The following SYNPO2L variants were observed in gnomAD, a reference collection of about 807,000 sequenced individuals.
SYNPO2L encodes the protein synaptopodin 2 like.
In SYNPO2L, 34 loss-of-function variants were observed where a neutral mutation model predicts 47.5. The ratio of observed to expected loss-of-function variants is 0.72; its 90% CI spans 0.54 to 0.95. The LOEUF is 0.95. Among genes scored for constraint, SYNPO2L ranks in the 40% least tolerant of loss-of-function variants. The pLI is 0.00. For missense variants in SYNPO2L, 1,246 were observed against 1,282.0 expected, an observed-to-expected ratio of 0.97 and a Z score of 0.43; for synonymous variants, 536 against 524.9, an observed-to-expected ratio of 1.02 and a Z score of -0.29.
chr10:73,650,294 G>A (rs12247028), intron 3 of SYNPO2L: 554,595 of 942,724 alleles, frequency 0.59, 174,773 homozygotes, highest in Middle Eastern at 0.65. Context: ...GAAAGTAGAT[G>A]GAACTTTTTC....
chr10:73,648,041 G>A lies in SYNPO2L; in HGVS notation c.1611C>T (p.Thr537=). The A allele has an allele frequency of 6.3e-7, 1 of 1,592,308 alleles. No homozygotes were observed. Among genetic ancestry groups the A allele is most frequent in the Non-Finnish European group, 8.6e-7 (1 of 1,169,484 alleles). ...CTGTCACAGGGCCCGAGGAGCGTGGGGTGCTGGGGGAACCAGAGACTGGCG... is the reference window on the plus strand; with the variant it reads ...CTGTCACAGGGCCCGAGGAGCGTGGAGTGCTGGGGGAACCAGAGACTGGCG... The part of the protein sequence containing the change: ...SHAPVSGSPS[T]PRSSGPVTAT... The change falls in exon 4 of 4, where the codon ACC becomes ACT. Residue 537 remains threonine, a synonymous_variant. Coordinates refer to ENST00000394810, the MANE Select transcript of SYNPO2L (RefSeq NM_001114133.3).
chr10:73,654,285 G>C lies in SYNPO2L; in HGVS notation c.106-5C>G. On this transcript the variant is annotated splice_region_variant and splice_polypyrimidine_tract_variant and intron_variant, in intron 1 of 3. Coordinates refer to ENST00000394810, the MANE Select transcript of SYNPO2L (RefSeq NM_001114133.3). ...AGCCTGGCTCCGTCTTCGAATCTGA[G>C]ATGTTGAAGGAGACACTGTAGGTAA... 1 of 1,551,480 alleles carries C rather than the reference G, an allele frequency of 6.4e-7. No homozygotes were observed.
In SYNPO2L at chr10:73,655,881, TCC is replaced by T; in HGVS notation, c.40_41del (p.Gly14SerfsTer21). 1 of 1,550,636 alleles carries T rather than the reference TCC, an allele frequency of 6.4e-7. No individual in the cohort carries two copies. The highest frequency in any genetic ancestry group is 8.7e-7 in the Non-Finnish European group (1 of 1,146,760). On this transcript the variant is annotated frameshift_variant, in exon 1 of 4. Transcript: ENST00000394810. LOFTEE classifies it high-confidence loss of function. The part of the protein sequence containing the change: ...EEEVLVTLSG[G>X]APWGFRLHGG... ...CATGAAGTCGGAAGCCCCAGGGGGCTCCCCCTGATAGTGTGACCAGCACCTCC... is the reference window on the plus strand; with the variant it reads ...CATGAAGTCGGAAGCCCCAGGGGGCTCCCTGATAGTGTGACCAGCACCTCC...
At chr10:73,654,102 G>C in intron 2 of SYNPO2L, 27 bp downstream of exon 2, 2 of 1,545,350 alleles carry the variant, frequency 1.3e-6, no homozygotes, top group Non-Finnish European at 1.8e-6. Flanking sequence ...CTGGATTAGG[G>C]GAAGAGAAGA....
At position 73,654,005 on chromosome 10, in the gene SYNPO2L, A is replaced by G. The variant is rs987086103; in HGVS notation, c.257+124T>C. 7.8e-6 allele frequency: 10 copies of G among 1,288,282 alleles called. No homozygotes were observed. In the African/African-American group the frequency reaches 1.5e-4, roughly 19 times the overall value. 79.8% of individuals were successfully genotyped at this position (1,288,282 alleles called of 1,614,324 possible). On this transcript the variant is annotated intron_variant, in intron 2 of 3. Coordinates refer to ENST00000394810, the MANE Select transcript of SYNPO2L (RefSeq NM_001114133.3). ...GGCAGACACAAACCATCTGCACTCC[A>G]GCAGAAACGCACGAGCAGAAATAGG...
rs2081734413 is a variant in SYNPO2L at position 73,645,249 on chromosome 10, A to G, written c.*1469T>C. On this transcript the variant is annotated 3_prime_UTR_variant, in exon 4 of 4. Transcript: ENST00000394810. ...ACCCTCACACCTCCCTTCCACCATC[A>G]TTCCCTTCCATTCTAACATTCTTCT... is the stretch of plus-strand genomic sequence containing the variant. 1 of 1,099,106 alleles carries G rather than the reference A, an allele frequency of 9.1e-7. No homozygotes were observed. The allele number at this position is 1,099,106 out of a possible 1,614,324, so 68.1% of individuals were successfully genotyped here. A position where few individuals can be genotyped will look rare whatever the true frequency, so the allele number is the denominator to read the frequency against.
In SYNPO2L at chr10:73,647,496, G is replaced by C. The variant is rs533607226; in HGVS notation, c.2156C>G (p.Pro719Arg). ...AGGAGCCACTGGGGGTGGAGTCTTA[G>C]GAGTCATAGGGGGCGGGGTCTTGGG... Reference protein sequence around the residue: ...MAPKTPPPMTPKTPPPVAPKP... With the variant: ...MAPKTPPPMTRKTPPPVAPKP... Residue 719 changes from proline (P) to arginine (R), a missense_variant, in exon 4 of 4, where the codon CCT becomes CGT. Pro to Arg is a moderately radical substitution (Grantham distance 103, BLOSUM62 -2). Around this residue, in one of 3 missense-constraint regions of SYNPO2L, gnomAD observed 1,037 missense variants for 1,021.5 expected, o/e 1.02. Transcript: ENST00000394810. The C allele has an allele frequency of 3.1e-6, 5 of 1,588,046 alleles. No homozygotes were observed. The South Asian group carries it at 5.7e-5, about 18-fold the overall frequency.
At position 73,654,204 on chromosome 10, in the gene SYNPO2L, C is replaced by A; in HGVS notation, c.182G>T (p.Cys61Phe). The A allele has an allele frequency of 1.3e-6, 2 of 1,551,600 alleles. No individual in the cohort carries two copies. Among genetic ancestry groups the A allele is most frequent in the Non-Finnish European group, 1.7e-6 (2 of 1,146,976 alleles). ...DQLLAINGVS[C>F]TNLSHASAMS... is the part of the protein sequence containing the mutation. ...GGCACTGGCATGGGAGAGGTTGGTG[C>A]AAGAGACCCCATTGATTGCCAAGAG... The change falls in exon 2 of 4, where the codon TGC becomes TTC. Residue 61 changes from cysteine to phenylalanine, a missense_variant. By Grantham distance (205) the Cys-to-Phe change is radical (BLOSUM62 -2). Coordinates refer to ENST00000394810, the MANE Select transcript of SYNPO2L (RefSeq NM_001114133.3).
In SYNPO2L at chr10:73,647,198, AGAGAGCAGTGGGTT is replaced by A. The variant is rs201114884; in HGVS notation, c.2440_2453del (p.Asn814SerfsTer12). 1 of 1,613,618 alleles carries A rather than the reference AGAGAGCAGTGGGTT, an allele frequency of 6.2e-7. No individual in the cohort carries two copies. The highest frequency in any genetic ancestry group is 2.2e-5 in the East Asian group (1 of 44,848). ...TTCGGGCCGCCTGGGGGAAAAAGGG[AGAGAGCAGTGGGTT>A]GTAAGCAATAGGAGGCGGGGCACGG... On this transcript the variant is annotated frameshift_variant, in exon 4 of 4. Coordinates refer to ENST00000394810, the MANE Select transcript of SYNPO2L (RefSeq NM_001114133.3). LOFTEE classifies it high-confidence loss of function.
Position 73,655,880 on chromosome 10 carries a change from C to G in SYNPO2L, c.43G>C (p.Ala15Pro), listed in dbSNP as rs1266131141. Reference sequence around the variant, plus strand: ...CCATGAAGTCGGAAGCCCCAGGGGGCTCCCCCTGATAGTGTGACCAGCACC... The same window carrying G: ...CCATGAAGTCGGAAGCCCCAGGGGGGTCCCCCTGATAGTGTGACCAGCACC... Reference protein sequence around the residue: ...EEVLVTLSGGAPWGFRLHGGA... With the variant: ...EEVLVTLSGGPPWGFRLHGGA... Residue 15 changes from alanine (A) to proline (P), a missense_variant, in exon 1 of 4, where the codon GCC (alanine) becomes CCC (proline). Around this residue, in one of 3 missense-constraint regions of SYNPO2L, gnomAD observed 61 missense variants for 55.6 expected, o/e 1.10. Coordinates refer to ENST00000394810, the MANE Select transcript of SYNPO2L (RefSeq NM_001114133.3). The G allele has an allele frequency of 1.9e-6, 3 of 1,551,382 alleles. 1 individual carries two copies. Among genetic ancestry groups the G allele is most frequent in the South Asian group, 2.4e-5 (2 of 84,038 alleles).
At position 73,655,855 on chromosome 10, in the gene SYNPO2L, C is replaced by T; in HGVS notation, c.68G>A (p.Gly23Glu). Residue 23 changes from glycine to glutamate, a missense_variant, in exon 1 of 4, where the codon GGG becomes GAG. Gly to Glu is a moderately conservative substitution (Grantham distance 98). Coordinates refer to ENST00000394810, the MANE Select transcript of SYNPO2L (RefSeq NM_001114133.3). ...TAACGGTTTCCTCTGCTCGGCCCCC[C>T]CATGAAGTCGGAAGCCCCAGGGGGC... is the stretch of plus-strand genomic sequence containing the variant. ...GGAPWGFRLH[G>E]GAEQRKPLQV... 1 of 1,551,320 alleles carries T rather than the reference C, an allele frequency of 6.4e-7. No homozygotes were observed. Among genetic ancestry groups the T allele is most frequent in the Non-Finnish European group, 8.7e-7 (1 of 1,146,928 alleles).
At chr10:73,652,907 A>G (rs963981999) in intron 3 of SYNPO2L, among the ~76,000 whole-genome samples, 1 of 151,894 alleles carries the variant, frequency 6.6e-6, no homozygotes, top group Non-Finnish European at 1.5e-5. Flanking sequence ...TTCCCTACTT[A>G]CCCTGTTCCT....
In SYNPO2L at chr10:73,647,432, A is replaced by T; in HGVS notation, c.2220T>A (p.Asn740Lys). 1 of 1,609,316 alleles carries T rather than the reference A, an allele frequency of 6.2e-7. No individual in the cohort carries two copies. Among genetic ancestry groups the T allele is most frequent in the Non-Finnish European group, 8.5e-7 (1 of 1,176,588 alleles). The change falls in exon 4 of 4, where the codon AAT becomes AAA. Residue 740 changes from asparagine to lysine, a missense_variant. Transcript: ENST00000394810. ...GGATTCCAGCCGAAGAGGCTGCCCC[A>T]TTCACGAGCCCATCAAGGAGCCCTC... ...PSRGLLDGLV[N>K]GAASSAGIPE...
chr10:73,648,544 C>T lies in SYNPO2L; in HGVS notation c.1108G>A (p.Glu370Lys). Reference protein sequence around the residue: ...ELARAGSRASEGQGSGLGGQL... With the variant: ...ELARAGSRASKGQGSGLGGQL... ...CCTCCCAGCCCAGAGCCCTGGCCCT[C>T]TGATGCTCTTGAGCCCGCCCTGGCA... Residue 370 changes from glutamate (E) to lysine (K), a missense_variant, in exon 4 of 4, where the codon GAG (glutamate) becomes AAG (lysine). Physicochemically the swap from Glu to Lys is moderately conservative, Grantham distance 56. Coordinates refer to ENST00000394810, the MANE Select transcript of SYNPO2L (RefSeq NM_001114133.3). The T allele has an allele frequency of 6.2e-7, 1 of 1,614,178 alleles. No individual in the cohort carries two copies. The highest frequency in any genetic ancestry group is 1.1e-5 in the South Asian group (1 of 91,090).
Position 73,648,029 on chromosome 10 carries a change from C to G in SYNPO2L, c.1623G>C (p.Ser541=), listed in dbSNP as rs544176673. The G allele has an allele frequency of 1.6e-5, 25 of 1,590,526 alleles. No homozygotes were observed. In the East Asian group the frequency reaches 3.6e-4, roughly 23 times the overall value. Residue 541 remains serine (S), a synonymous_variant, in exon 4 of 4, where the codon TCG becomes TCC. Coordinates refer to ENST00000394810, the MANE Select transcript of SYNPO2L (RefSeq NM_001114133.3). The part of the protein sequence containing the change: ...VSGSPSTPRS[S]GPVTATSSLY... ...GGGAGCTGGTGGCTGTCACAGGGCC[C>G]GAGGAGCGTGGGGTGCTGGGGGAAC...
chr10:73,652,341 C>T (rs892577586), intron 3 of SYNPO2L, among the ~76,000 whole-genome samples: 3 of 151,838 alleles, frequency 2.0e-5, no homozygotes, highest in Non-Finnish European at 4.4e-5. Flanking sequence ...TTACTGGAGA[C>T]GAAGTCTCAC....
chr10:73,653,962 C>T (rs1023060876), intron 2 of SYNPO2L, 167 bp downstream of exon 2: 3 of 920,614 alleles, frequency 3.3e-6, no homozygotes, highest in Admixed American at 2.9e-5. Flanking sequence ...ATTGCAGATA[C>T]ATTCAAGCCC....
chr10:73,647,531 A>AG lies in SYNPO2L; in HGVS notation c.2120dup (p.Pro708SerfsTer13), dbSNP rs768606281. ...GGGGCGGGGTCTTGGGAGCCATTGG[A>AG]GGGGGGGTCTTAGGTGTCACGTGAG... On this transcript the variant is annotated frameshift_variant, in exon 4 of 4. Transcript: ENST00000394810. LOFTEE classifies it high-confidence loss of function. 8.9e-4 allele frequency: 1,403 copies of AG among 1,580,338 alleles called. 2 individuals are homozygous for AG. Among genetic ancestry groups the AG allele is most frequent in the East Asian group, 2.0e-3 (87 of 44,036 alleles).
chr10:73,653,685 T>C, intron 2 of SYNPO2L, 32 bp from the exon 3 acceptor site: 5 of 1,508,716 alleles, frequency 3.3e-6, no homozygotes, highest in Non-Finnish European at 4.5e-6. Flanking sequence ...GCTTGAGAGA[T>C]GGGCTGGGTA....
Sources: allele counts gnomAD v4.1 joint callset (sites outside exome capture counted in the v4.1 genomes callset), GRCh38; gene constraint gnomAD v4.1.1; regional missense constraint gnomAD v4.1.1; transcripts MANE v1.5; gene names NCBI Gene and HGNC (gene_info 2026-07-23, HGNC 2026-07-21).